The following HSBP1 variants were observed in gnomAD, a reference collection of about 807,000 sequenced individuals.
HSBP1 encodes the protein heat shock factor-binding protein 1.
In HSBP1, 5 loss-of-function variants were observed where a neutral mutation model predicts 9.6. The observed-to-expected ratio is 0.52, with a 90% CI of 0.27 to 1.09. The LOEUF is 1.09. Among genes scored for constraint, HSBP1 ranks in the 50% least tolerant of loss-of-function variants. The pLI is 0.11. For synonymous variants in HSBP1, 42 were observed against 33.3 expected (o/e 1.26, Z -0.90); for missense variants, 121 against 96.3 (o/e 1.26, Z -1.07).
intron 3 of HSBP1, among the ~76,000 whole-genome samples, chr16:83,810,769 A>C (rs1263537266): frequency 6.6e-6 from 1 of 152,136 alleles, no homozygotes; most frequent in African/African-American, 2.4e-5. Flanking sequence ...TGATGATGCC[A>C]CTGCACTCCA....
In HSBP1 at chr16:83,814,104, G is replaced by C. The variant is rs968459308; in HGVS notation, c.*2686G>C. ...GGAAGCCTTCCCAAGCAGACACTGTGTTCCTCTTTTATTTTGTATTTTGCA... is the reference window on the plus strand; with the variant it reads ...GGAAGCCTTCCCAAGCAGACACTGTCTTCCTCTTTTATTTTGTATTTTGCA... On this transcript the variant is annotated 3_prime_UTR_variant, in exon 4 of 4. Transcript: ENST00000433866. The C allele has an allele frequency of 1.3e-5, 2 of 152,120 alleles. No individual in the cohort carries two copies. Among genetic ancestry groups the C allele is most frequent in the Non-Finnish European group, 2.9e-5 (2 of 68,034 alleles). The allele number at this position is 152,120 out of a possible 1,614,324, so 9.4% of individuals were successfully genotyped here.
chr16:83,808,880 T>A, intron 2 of HSBP1, 134 bp downstream of exon 2: 2 of 696,004 alleles, frequency 2.9e-6, no homozygotes, highest in Non-Finnish European at 4.8e-6. Context: ...GATTGTACTG[T>A]GTTTCTGAGA....
chr16:83,808,191 A>G (rs748197896), intron 1 of HSBP1, 70 bp downstream of exon 1: 3 of 1,331,074 alleles, frequency 2.3e-6, no homozygotes, highest in South Asian at 1.4e-5. Flanking sequence ...CCTGCTGGAC[A>G]GAGGCGCGCC....
At chr16:83,808,358 CG>C (rs932618601) in intron 1 of HSBP1, 1 of 551,012 alleles carries the variant, frequency 1.8e-6, no homozygotes, top group Non-Finnish European at 3.2e-6. Context: ...ATTCATCTGT[CG>C]CGAACGCCCT....
At position 83,819,692 on chromosome 16, in the gene HSBP1, A is replaced by T. The variant is rs1597257821; in HGVS notation, c.*8274A>T. ...ATAGTAAATATTTTACCAGAAGGAT[A>T]AGTTATTCAGTATGGAGATTATTTA... On this transcript the variant is annotated 3_prime_UTR_variant, in exon 4 of 4. Coordinates refer to ENST00000433866, the MANE Select transcript of HSBP1 (RefSeq NM_001537.4). 6.6e-6 allele frequency: 1 copy of T among 152,338 alleles called. No individual in the cohort carries two copies. Among genetic ancestry groups the T allele is most frequent in the East Asian group, 1.9e-4 (1 of 5,190 alleles). The allele number at this position is 152,338 out of a possible 1,614,324, so 9.4% of individuals were successfully genotyped here.
In HSBP1 at chr16:83,814,796, GAAC is replaced by G. The variant is rs1170809124; in HGVS notation, c.*3386_*3388del. 1.3e-5 allele frequency: 2 copies of G among 152,170 alleles called. No individual in the cohort carries two copies. Among genetic ancestry groups the G allele is most frequent in the African/African-American group, 2.4e-5 (1 of 41,428 alleles). The allele number at this position is 152,170 out of a possible 1,614,324, so 9.4% of individuals were successfully genotyped here. A position where few individuals can be genotyped will look rare whatever the true frequency, so the allele number is the denominator to read the frequency against. On this transcript the variant is annotated 3_prime_UTR_variant, in exon 4 of 4. Transcript: ENST00000433866. ...GCCTTTTTTCTCCTAAATCAGTTGA[GAAC>G]AACAACAGAAACAAATGACATTCCT...
intron 3 of HSBP1, among the ~76,000 whole-genome samples, chr16:83,810,498 G>A (rs998280272): frequency 6.9e-6 from 1 of 144,444 alleles, no homozygotes; most frequent in South Asian, 2.2e-4. Context: ...CTCCAGCCTG[G>A]GCGACAGAGT....
chr16:83,809,537 C>T (rs1055636317), intron 3 of HSBP1, 112 bp downstream of exon 3: 13 of 584,510 alleles, frequency 2.2e-5, no homozygotes, highest in African/African-American at 4.0e-5. Flanking sequence ...GGCACGATCT[C>T]GGCTCCCTGC....
In HSBP1 at chr16:83,815,273, C is replaced by T. The variant is rs1355494191; in HGVS notation, c.*3855C>T. 1 of 152,050 alleles carries T rather than the reference C, an allele frequency of 6.6e-6. No individual in the cohort carries two copies. The highest frequency in any genetic ancestry group is 1.5e-5 in the Non-Finnish European group (1 of 68,030). The allele number at this position is 152,050 out of a possible 1,614,324, so 9.4% of individuals were successfully genotyped here. On this transcript the variant is annotated 3_prime_UTR_variant, in exon 4 of 4. Coordinates refer to ENST00000433866, the MANE Select transcript of HSBP1 (RefSeq NM_001537.4). ...GAAATAGGAAAAGGGTTTGTTTCAA[C>T]AAGTCAGGATGACAGTATTTTAAAA...
intron 2 of HSBP1, chr16:83,808,976 G>A (rs1904531830): frequency 5.2e-6 from 3 of 575,364 alleles, no homozygotes; most frequent in African/African-American, 1.9e-5. Flanking sequence ...AGCTGGTGTG[G>A]TGGACCATGC....
chr16:83,808,636 C>G (rs751216700), intron 1 of HSBP1, 44 bp from the exon 2 acceptor site: 1 of 1,524,586 alleles, frequency 6.6e-7, no homozygotes, highest in Admixed American at 1.8e-5. Context: ...GAAGTTGTCT[C>G]AGGATCGATG....
rs1904749032 is a variant in HSBP1 at position 83,817,525 on chromosome 16, T to C, written c.*6107T>C. On this transcript the variant is annotated 3_prime_UTR_variant, in exon 4 of 4. Transcript: ENST00000433866. ...GAAAGCTGTTGACATTATCAAAAAG[T>C]TTTCCAGCTGGAATTCATCTCCCTC... 6.6e-6 allele frequency: 1 copy of C among 152,134 alleles called. No homozygotes were observed. Among genetic ancestry groups the C allele is most frequent in the Non-Finnish European group, 1.5e-5 (1 of 68,038 alleles). 9.4% of individuals were successfully genotyped at this position (152,134 alleles called of 1,614,324 possible).
Position 83,813,675 on chromosome 16 carries a change from A to G in HSBP1, c.*2257A>G, listed in dbSNP as rs1300791878. On this transcript the variant is annotated 3_prime_UTR_variant, in exon 4 of 4. Coordinates refer to ENST00000433866, the MANE Select transcript of HSBP1 (RefSeq NM_001537.4). The stretch of plus-strand genomic sequence containing the variant: ...CTTCTCCAGCTATTCTTGTTCGTTT[A>G]CCAGCCAGTGAAGATTCTCTTGAGG... 6.6e-6 allele frequency: 1 copy of G among 152,154 alleles called. No individual in the cohort carries two copies. The highest frequency in any genetic ancestry group is 1.5e-5 in the Non-Finnish European group (1 of 68,066). 9.4% of individuals were successfully genotyped at this position (152,154 alleles called of 1,614,324 possible).
Position 83,815,333 on chromosome 16 carries a change from A to T in HSBP1, c.*3915A>T, listed in dbSNP as rs1165524841. On this transcript the variant is annotated 3_prime_UTR_variant, in exon 4 of 4. Transcript: ENST00000433866. ...AGGCCAGCCTGGGCAATATACTGAG[A>T]CTCCATCTCTACAAAAAAGTAGAAA... The T allele has an allele frequency of 6.6e-6, 1 of 151,836 alleles. No individual in the cohort carries two copies. Among genetic ancestry groups the T allele is most frequent in the African/African-American group, 2.4e-5 (1 of 41,294 alleles). The allele number at this position is 151,836 out of a possible 1,614,324, so 9.4% of individuals were successfully genotyped here.
In HSBP1 at chr16:83,808,004, G is replaced by A. The variant is rs1445734567; in HGVS notation, c.-73G>A. 4.7e-5 allele frequency: 64 copies of A among 1,357,894 alleles called. No individual in the cohort carries two copies. The highest frequency in any genetic ancestry group is 2.1e-4 in the South Asian group (16 of 74,764). The allele number at this position is 1,357,894 out of a possible 1,614,324, so 84.1% of individuals were successfully genotyped here. A position where few individuals can be genotyped will look rare whatever the true frequency, so the allele number is the denominator to read the frequency against. On this transcript the variant is annotated 5_prime_UTR_variant, in exon 1 of 4. Transcript: ENST00000433866. ...GTCTCGTCGCGAGAAGCAGCGGCCC[G>A]GGGCGACTGAGCGGACAAACGGAAG... is the stretch of plus-strand genomic sequence containing the variant.
intron 2 of HSBP1, 90 bp downstream of exon 2, chr16:83,808,836 A>G: frequency 1.1e-6 from 1 of 893,144 alleles, no homozygotes; most frequent in Non-Finnish European, 1.8e-6. Flanking sequence ...TTTTCAGGCT[A>G]GCTTCAGCCA....
Position 83,815,510 on chromosome 16 carries a change from T to TC in HSBP1, c.*4093dup, listed in dbSNP as rs1904699110. On this transcript the variant is annotated 3_prime_UTR_variant, in exon 4 of 4. Transcript: ENST00000433866. ...CGGGGTGACAGAGCAAGACCCTGTC[T>TC]CAAAAAAAAAAAAAAAGGGCGGATC... 1 of 43,348 alleles carries TC rather than the reference T, an allele frequency of 2.3e-5. No individual in the cohort carries two copies. Among genetic ancestry groups the TC allele is most frequent in the Non-Finnish European group, 6.1e-5 (1 of 16,296 alleles). 2.7% of individuals were successfully genotyped at this position (43,348 alleles called of 1,614,324 possible). A position where few individuals can be genotyped will look rare whatever the true frequency, so the allele number is the denominator to read the frequency against.
At chr16:83,810,458 G>A (rs1376839361) in intron 3 of HSBP1, among the ~76,000 whole-genome samples, 7 of 149,804 alleles carry the variant, frequency 4.7e-5, no homozygotes, top group South Asian at 2.1e-4. Context: ...TGAGGGAGGC[G>A]GAGGTTGCAG....
chr16:83,811,444 T>C lies in HSBP1; in HGVS notation c.*26T>C, dbSNP rs1167806436. The C allele has an allele frequency of 6.6e-6, 1 of 152,256 alleles. No individual in the cohort carries two copies. Among genetic ancestry groups the C allele is most frequent in the East Asian group, 1.9e-4 (1 of 5,196 alleles). 9.4% of individuals were successfully genotyped at this position (152,256 alleles called of 1,614,324 possible). On this transcript the variant is annotated 3_prime_UTR_variant, in exon 4 of 4. Coordinates refer to ENST00000433866, the MANE Select transcript of HSBP1 (RefSeq NM_001537.4). Reference sequence around the variant, plus strand: ...AGGTTGCTAATAATTTATACTGGAATCTGGCATTTTTCCAAGCCAAGAGAA... The same window carrying C: ...AGGTTGCTAATAATTTATACTGGAACCTGGCATTTTTCCAAGCCAAGAGAA...
Sources: allele counts gnomAD v4.1 joint callset (sites outside exome capture counted in the v4.1 genomes callset), GRCh38; gene constraint gnomAD v4.1.1; transcripts MANE v1.5; gene names NCBI Gene and HGNC (gene_info 2026-07-23, HGNC 2026-07-21).